GABRB1: variants seen among roughly 807,000 people sequenced by gnomAD.
GABRB1 encodes gamma-aminobutyric acid receptor subunit beta-1.
Under a neutral mutation model 51.6 loss-of-function variants are expected in GABRB1, and 17 were observed. The ratio of observed to expected loss-of-function variants is 0.33; its 90% CI spans 0.23 to 0.49. The LOEUF is 0.49. Among genes scored for constraint, GABRB1 ranks in the 20% least tolerant of loss-of-function variants. GABRB1 has a pLI of 0.99. For synonymous variants in GABRB1, 247 were observed against 218.9 expected (o/e 1.13, Z -1.14); for missense variants, 410 against 600.6 (o/e 0.68, Z 3.32).
At chr4:47,138,594 A>G (rs894041394) in intron 3 of GABRB1, among the ~76,000 whole-genome samples, 2 of 152,064 alleles carry the variant, frequency 1.3e-5, no homozygotes, top group African/African-American at 4.8e-5. Context: ...CACAATGGTC[A>G]AGGAAAAAAA....
In GABRB1 at chr4:47,426,428, C is replaced by CAAAAAAAAAAAAAAAAAATAAAAAAAA. The variant is rs1729300429; in HGVS notation, c.*428_*429insTAAAAAAAAAAAAAAAAAAAAAAAAAA. 1 of 84,828 alleles carries CAAAAAAAAAAAAAAAAAATAAAAAAAA rather than the reference C, an allele frequency of 1.2e-5. No individual in the cohort carries two copies. The highest frequency in any genetic ancestry group is 3.9e-4 in the East Asian group (1 of 2,546). The allele number at this position is 84,828 out of a possible 1,614,324, so 5.3% of individuals were successfully genotyped here. On this transcript the variant is annotated 3_prime_UTR_variant, in exon 9 of 9. Transcript: ENST00000295454. ...GTAAACTATAACAAACTTATGCTGC[C>CAAAAAAAAAAAAAAAAAATAAAAAAAA]AAAAAAAAAAAAAAAAAAACATAAA... is the stretch of plus-strand genomic sequence containing the variant.
chr4:47,027,064 A>C (rs999169823), upstream of GABRB1, among the ~76,000 whole-genome samples: 1 of 151,712 alleles, frequency 6.6e-6, no homozygotes, highest in African/African-American at 2.4e-5. Flanking sequence ...GTGCTGATAA[A>C]TAATAAGCCT....
chr4:47,173,950 A>G (rs1457040075), intron 4 of GABRB1, among the ~76,000 whole-genome samples: 2 of 152,180 alleles, frequency 1.3e-5, no homozygotes, highest in Non-Finnish European at 2.9e-5. Context: ...TTGCCTAACC[A>G]TGAAACTTTA....
intron 3 of GABRB1, among the ~76,000 whole-genome samples, chr4:47,154,616 A>G (rs1024493529): frequency 3.3e-5 from 5 of 152,032 alleles, no homozygotes; most frequent in Non-Finnish European, 5.9e-5. Context: ...GAGCATCACT[A>G]CTACAGCTTT....
intron 3 of GABRB1, among the ~76,000 whole-genome samples, chr4:47,113,386 CAAAA>C (rs760542350): frequency 9.3e-6 from 1 of 107,082 alleles, no homozygotes; most frequent in African/African-American, 3.3e-5. Context: ...ACTTCGTCTC[CAAAA>C]AAAAAAAAAA....
chr4:47,375,031 A>G (rs1727331945), intron 5 of GABRB1, among the ~76,000 whole-genome samples: 1 of 152,244 alleles, frequency 6.6e-6, no homozygotes, highest in South Asian at 2.1e-4. Context: ...ATATTTTAAT[A>G]TTTTAGCGAT....
intron 3 of GABRB1, among the ~76,000 whole-genome samples, chr4:47,159,191 A>G (rs1246555630): frequency 6.6e-6 from 1 of 152,018 alleles, no homozygotes; most frequent in Non-Finnish European, 1.5e-5. Flanking sequence ...GCTGAAAGAT[A>G]GGATTCTTTA....
intron 1 of GABRB1, among the ~76,000 whole-genome samples, chr4:47,015,498 A>G (rs939156371): frequency 3.9e-5 from 6 of 152,130 alleles, no homozygotes; most frequent in Admixed American, 2.6e-4. Context: ...CTTTTTTTCA[A>G]CAGTGACTCT....
At chr4:47,389,770 A>T (rs2110037593) in intron 5 of GABRB1, among the ~76,000 whole-genome samples, 1 of 152,340 alleles carries the variant, frequency 6.6e-6, no homozygotes, top group African/African-American at 2.4e-5. Flanking sequence ...GCACAATTCC[A>T]AATATCCAAT....
chr4:47,150,697 T>C (rs1483479080), intron 3 of GABRB1, among the ~76,000 whole-genome samples: 2 of 151,478 alleles, frequency 1.3e-5, no homozygotes, highest in Non-Finnish European at 2.9e-5. Context: ...ATACACAAAA[T>C]TGCCTACCAC....
At position 47,284,097 on chromosome 4, in the gene GABRB1, CAAAAAAAAAA is replaced by C. The variant is rs780643469; in HGVS notation, c.462-36016_462-36007del. 1.6e-4 allele frequency among the ~76,000 whole-genome samples: 8 copies of C among 48,916 alleles called. No homozygotes were observed. In the South Asian group the frequency reaches 3.0e-3, roughly 18 times the overall value. 32.1% of individuals were successfully genotyped at this position (48,916 alleles called of 152,430 possible). ...TGAGCGACAGAGCGAGACTCAGTCT[CAAAAAAAAAA>C]AAAAAAAAAAAAAGGAAGTCCCATT... On this transcript the variant is annotated intron_variant, in intron 4 of 8. Transcript: ENST00000295454.
chr4:47,028,643 A>T (rs1024876157), upstream of GABRB1, among the ~76,000 whole-genome samples: 9 of 151,288 alleles, frequency 5.9e-5, no homozygotes. Context: ...TTGGAATGAA[A>T]TTTTTTTGAT....
intron 4 of GABRB1, among the ~76,000 whole-genome samples, chr4:47,183,430 T>A (rs1719043167): frequency 6.7e-6 from 1 of 150,028 alleles, no homozygotes; most frequent in Non-Finnish European, 1.5e-5. Flanking sequence ...CATTTATTTT[T>A]AAACTTAGTT....
intron 4 of GABRB1, among the ~76,000 whole-genome samples, chr4:47,178,861 G>A (rs1219786450): frequency 6.6e-6 from 1 of 152,044 alleles, no homozygotes; most frequent in African/African-American, 2.4e-5. Flanking sequence ...ACAGTATAAT[G>A]AGTCGCTTTG....
intron 1 of GABRB1, among the ~76,000 whole-genome samples, chr4:47,016,559 G>T (rs1724748525): frequency 1.3e-5 from 2 of 150,244 alleles, no homozygotes; most frequent in South Asian, 4.2e-4. Context: ...TATCTGTGCA[G>T]ATTATTTATT....
rs113925431 is a variant in GABRB1, at chr4:47,410,701, C to A, written c.1080+3775C>A. Among the ~76,000 whole-genome samples the A allele has an allele frequency of 8.0e-3, 1,211 of 152,206 alleles. 15 individuals are homozygous for A. Among genetic ancestry groups the A allele is most frequent in the African/African-American group, 0.028 (1,155 of 41,528 alleles). ...CACAGAAAGAAAAAATAGCTAGAAG[C>A]TGGGGGAAAGAAAAATGAACAGAGA... On this transcript the variant is annotated intron_variant, in intron 8 of 8. Transcript: ENST00000295454.
At chr4:47,260,902 A>G (rs1271363748) in intron 4 of GABRB1, among the ~76,000 whole-genome samples, 2 of 152,230 alleles carry the variant, frequency 1.3e-5, no homozygotes, top group African/African-American at 4.8e-5. Context: ...AATATATGCA[A>G]ATCAATAAAT....
chr4:47,389,653 A>G (rs1727919915), intron 5 of GABRB1, among the ~76,000 whole-genome samples: 1 of 152,220 alleles, frequency 6.6e-6, no homozygotes, highest in African/African-American at 2.4e-5. Flanking sequence ...GGAGATACAA[A>G]GTTCCATGAG....
At chr4:47,076,616 C>G (rs984315498) in intron 3 of GABRB1, among the ~76,000 whole-genome samples, 11 of 151,980 alleles carry the variant, frequency 7.2e-5, no homozygotes, top group Non-Finnish European at 1.3e-4. Context: ...TTACCCACCG[C>G]CCCTCTGACA....
Sources: gnomAD v4.1 joint callset for allele counts (sites outside exome capture counted in the v4.1 genomes callset) on GRCh38, gnomAD v4.1.1 for gene constraint, MANE v1.5 for transcripts, NCBI Gene and HGNC (gene_info 2026-07-23, HGNC 2026-07-21) for gene names.